Variants in SMYD3 observed in about 807,000 individuals in gnomAD.
The protein encoded by SMYD3 is SET and MYND domain containing 3.
Under a neutral mutation model 57.7 loss-of-function variants are expected in SMYD3, and 36 were observed. The ratio of observed to expected loss-of-function variants is 0.62; its 90% CI spans 0.48 to 0.82. The LOEUF is 0.82. Ranked by LOEUF, SMYD3 falls within the 40% of genes least tolerant of loss-of-function variation. The probability of loss-of-function intolerance (pLI) is 0.00; values close to 1 mark genes in which losing one functional copy is unlikely to be tolerated. For synonymous variants in SMYD3, 211 were observed against 195.0 expected (o/e 1.08, Z -0.68); for missense variants, 515 against 538.8 (o/e 0.96, Z 0.44).
intron 2 of SMYD3, among the ~76,000 whole-genome samples, chr1:246,349,071 AC>A (rs1467611751): frequency 1.3e-5 from 2 of 152,182 alleles, no homozygotes; most frequent in African/African-American, 4.8e-5. Flanking sequence ...CAGTAGACCC[AC>A]CCGCATGAAA....
intron 5 of SMYD3, among the ~76,000 whole-genome samples, chr1:246,068,794 G>T (rs1462707957): frequency 6.6e-6 from 1 of 152,180 alleles, no homozygotes; most frequent in East Asian, 1.9e-4. Flanking sequence ...GGTTCTTGGA[G>T]GGGAGCCAGT....
At chr1:245,859,543 A>T (rs1264372409) in intron 9 of SMYD3, among the ~76,000 whole-genome samples, 1 of 152,150 alleles carries the variant, frequency 6.6e-6, no homozygotes, top group Non-Finnish European at 1.5e-5. Context: ...TGGTTTATGG[A>T]GCGTAATTTT....
intron 5 of SMYD3, among the ~76,000 whole-genome samples, chr1:246,277,617 G>T (rs1347294276): frequency 1.3e-5 from 2 of 152,096 alleles, no homozygotes; most frequent in Non-Finnish European, 2.9e-5. Flanking sequence ...CTAATCAGGG[G>T]AGACAACACA....
chr1:246,430,607 T>G (rs2067282428), intron 1 of SMYD3, among the ~76,000 whole-genome samples: 1 of 152,178 alleles, frequency 6.6e-6, no homozygotes. Flanking sequence ...ACACTGGGCT[T>G]ACGGGGCTTG....
intron 1 of SMYD3, among the ~76,000 whole-genome samples, chr1:246,356,335 C>G (rs2065909846): frequency 6.6e-6 from 1 of 152,084 alleles, no homozygotes; most frequent in Non-Finnish European, 1.5e-5. Context: ...CACAGTCACC[C>G]AAATGAGAAG....
At chr1:246,414,413 T>G (rs1013316391) in intron 1 of SMYD3, among the ~76,000 whole-genome samples, 5 of 152,214 alleles carry the variant, frequency 3.3e-5, no homozygotes, top group African/African-American at 9.6e-5. Flanking sequence ...ATCAGCCACA[T>G]GGGACACAGA....
intron 5 of SMYD3, among the ~76,000 whole-genome samples, chr1:246,302,518 A>G (rs1285587193): frequency 6.6e-6 from 1 of 152,190 alleles, no homozygotes; most frequent in Non-Finnish European, 1.5e-5. Flanking sequence ...TGTATAAACA[A>G]TAAGTGAAGT....
chr1:246,318,439 C>T (rs948702660), intron 5 of SMYD3, among the ~76,000 whole-genome samples: 3 of 152,030 alleles, frequency 2.0e-5, no homozygotes, highest in East Asian at 1.9e-4. Context: ...CTCCACAAAA[C>T]GGAAAAGGGA....
At chr1:246,420,998 A>C (rs189391637) in intron 1 of SMYD3, among the ~76,000 whole-genome samples, 1 of 152,338 alleles carries the variant, frequency 6.6e-6, no homozygotes, top group Non-Finnish European at 1.5e-5. Context: ...TATCCTATAA[A>C]GAAATAAACT....
At chr1:245,941,013 C>T (rs1212453807) in intron 5 of SMYD3, among the ~76,000 whole-genome samples, 2 of 152,102 alleles carry the variant, frequency 1.3e-5, no homozygotes, top group African/African-American at 4.8e-5. Flanking sequence ...GAGAACTTCA[C>T]AATGCAGCCA....
intron 1 of SMYD3, among the ~76,000 whole-genome samples, chr1:246,491,219 G>A (rs899171397): frequency 6.6e-6 from 1 of 152,092 alleles, no homozygotes; most frequent in Admixed American, 6.5e-5. Context: ...AGATTAGAAA[G>A]GACCACTAGT....
At chr1:246,135,095 T>C (rs2148083323) in intron 5 of SMYD3, among the ~76,000 whole-genome samples, 1 of 152,198 alleles carries the variant, frequency 6.6e-6, no homozygotes, top group East Asian at 1.9e-4. Flanking sequence ...TTTAAAACTA[T>C]AACATGCTCA....
At chr1:245,928,269 T>G (rs1262129919) in intron 6 of SMYD3, among the ~76,000 whole-genome samples, 2 of 152,020 alleles carry the variant, frequency 1.3e-5, no homozygotes, top group Non-Finnish European at 2.9e-5. Context: ...CATTTAATAA[T>G]AAAAAAATTT....
intron 5 of SMYD3, among the ~76,000 whole-genome samples, chr1:246,285,367 A>G (rs929993627): frequency 6.6e-6 from 1 of 152,154 alleles, no homozygotes; most frequent in African/African-American, 2.4e-5. Flanking sequence ...TCATTGACTG[A>G]TGGGCATTTG....
intron 5 of SMYD3, among the ~76,000 whole-genome samples, chr1:246,075,046 G>A (rs1440330660): frequency 6.6e-6 from 1 of 151,610 alleles, no homozygotes; most frequent in East Asian, 1.9e-4. Flanking sequence ...GAAGAGGACA[G>A]GGTGACCCAT....
At chr1:246,344,741 A>G (rs12134740) in intron 2 of SMYD3, among the ~76,000 whole-genome samples, 83,333 of 152,006 alleles carry the variant, frequency 0.55, 23,695 homozygotes, top group Middle Eastern at 0.71. Context: ...CACTTGACAA[A>G]GTCAGTCCTT....
chr1:246,147,519 CG>C (rs1217043487), intron 5 of SMYD3, among the ~76,000 whole-genome samples: 1 of 152,132 alleles, frequency 6.6e-6, no homozygotes, highest in African/African-American at 2.4e-5. Context: ...TCCATGGAGG[CG>C]GTGGGAGCCT....
At chr1:246,256,037 T>C (rs1046322349) in intron 5 of SMYD3, among the ~76,000 whole-genome samples, 1 of 152,048 alleles carries the variant, frequency 6.6e-6, no homozygotes, top group African/African-American at 2.4e-5. Context: ...TACATAGATA[T>C]AAACGGGAGT....
At chr1:246,056,839 A>G (rs540142116) in intron 5 of SMYD3, among the ~76,000 whole-genome samples, 1 of 152,266 alleles carries the variant, frequency 6.6e-6, no homozygotes, top group African/African-American at 2.4e-5. Flanking sequence ...CTTCTTGCAA[A>G]GAGTTATTGA....
Sources: gnomAD v4.1 joint callset for allele counts (sites outside exome capture counted in the v4.1 genomes callset) on GRCh38, gnomAD v4.1.1 for gene constraint, MANE v1.5 for transcripts, NCBI Gene and HGNC (gene_info 2026-07-23, HGNC 2026-07-21) for gene names.